The following TTC17 variants were observed in gnomAD, a reference collection of about 807,000 sequenced individuals.
The protein encoded by TTC17 is tetratricopeptide repeat domain 17.
TTC17 carries 58 observed loss-of-function variants against 143.8 expected under a neutral mutation model. The observed-to-expected ratio is 0.40, with a 90% CI of 0.33 to 0.50. The LOEUF is 0.50. TTC17 is among the 20% of genes least tolerant of loss of function. The pLI is 0.49. For missense variants in TTC17, 1,273 were observed against 1,392.5 expected (o/e 0.91, Z 1.37); for synonymous variants, 501 against 497.8 (o/e 1.01, Z -0.09).
At chr11:43,387,793 C>T (rs1857223123) in intron 2 of TTC17, among the ~76,000 whole-genome samples, 1 of 152,092 alleles carries the variant, frequency 6.6e-6, no homozygotes, top group Admixed American at 6.5e-5. Context: ...CTGAGTCCAG[C>T]AAAAACAGTG....
At chr11:43,396,235 CTT>C (rs896447537) in intron 5 of TTC17, 2 of 144,370 alleles carry the variant, frequency 1.4e-5, no homozygotes, top group Non-Finnish European at 3.0e-5. Flanking sequence ...GCCCTTTTTC[CTT>C]TTTTTTTTTC....
intron 23 of TTC17, among the ~76,000 whole-genome samples, chr11:43,493,373 A>G (rs368471044): frequency 7.9e-5 from 12 of 152,246 alleles, no homozygotes; most frequent in African/African-American, 2.9e-4. Flanking sequence ...TTTGTCAGGC[A>G]CGGTTCTGGA....
rs560006003 is a variant in TTC17, at chr11:43,454,764, C to T, written c.3030+3499C>T. ...TTAAAATGCTAAAGACTACAGTTTA[C>T]AATAAATTTGTAATAATAATTAGTA... On this transcript the variant is annotated intron_variant, in intron 21 of 23. Coordinates refer to ENST00000039989, the MANE Select transcript of TTC17 (RefSeq NM_018259.6). Among the ~76,000 whole-genome samples the T allele has an allele frequency of 1.2e-4, 18 of 152,002 alleles. No homozygotes were observed. The East Asian group carries it at 3.3e-3, about 28-fold the overall frequency.
In TTC17 at chr11:43,450,144, A is replaced by G. The variant is rs147416919; in HGVS notation, c.2849A>G (p.Asn950Ser). 129 of 1,614,140 alleles carry G rather than the reference A, an allele frequency of 8.0e-5. 2 individuals are homozygous for G. In the South Asian group the frequency reaches 1.2e-3, roughly 15 times the overall value. ...IQQPAMEPLC[N>S]GNLPTSMHTL... ...CAGCCAGCAATGGAGCCTCTTTGCA[A>G]TGGCAATCTCCCCACGAGTATGCAT... is the stretch of plus-strand genomic sequence containing the variant. The change falls in exon 20 of 24, where the codon AAT becomes AGT. Residue 950 changes from asparagine to serine, a missense_variant. Coordinates refer to ENST00000039989, the MANE Select transcript of TTC17 (RefSeq NM_018259.6).
chr11:43,468,447 T>C (rs1948024019), intron 21 of TTC17: 1 of 152,148 alleles, frequency 6.6e-6, no homozygotes, highest in South Asian at 2.1e-4. Flanking sequence ...GATATGCATA[T>C]AGAAGAAAAA....
chr11:43,449,894 C>A, intron 19 of TTC17, 188 bp from the exon 20 acceptor site: 2 of 631,320 alleles, frequency 3.2e-6, no homozygotes, highest in South Asian at 2.2e-5. Context: ...GTATTTATCA[C>A]CACTTATATC....
At chr11:43,471,596 C>T (rs1948093649) in intron 21 of TTC17, among the ~76,000 whole-genome samples, 1 of 152,200 alleles carries the variant, frequency 6.6e-6, no homozygotes, top group South Asian at 2.1e-4. Context: ...AGTTTGTCTC[C>T]AGCTTTCATC....
intron 21 of TTC17, chr11:43,486,452 G>A: frequency 2.2e-6 from 1 of 452,592 alleles, no homozygotes; most frequent in Non-Finnish European, 4.5e-6. Flanking sequence ...TCCCTATCAG[G>A]TAGGAGGGAC....
chr11:43,421,525 ACT>A (rs1380155625), intron 16 of TTC17, among the ~76,000 whole-genome samples: 2 of 152,106 alleles, frequency 1.3e-5, no homozygotes, highest in South Asian at 4.1e-4. Flanking sequence ...AGTCCCCATC[ACT>A]CGCATTACTG....
At chr11:43,445,994 A>G in intron 18 of TTC17, 1 of 1,532,388 alleles carries the variant, frequency 6.5e-7, no homozygotes, top group Non-Finnish European at 8.7e-7. Context: ...TCAGCAAGGC[A>G]TTTAACAGAG....
chr11:43,412,053 A>G (rs544506733), intron 15 of TTC17, among the ~76,000 whole-genome samples: 4 of 152,364 alleles, frequency 2.6e-5, no homozygotes, highest in African/African-American at 9.6e-5. Flanking sequence ...TGGTTTGCAC[A>G]CAAGCAAATA....
intron 16 of TTC17, among the ~76,000 whole-genome samples, chr11:43,426,405 T>TC (rs1234330290): frequency 6.6e-6 from 1 of 152,222 alleles, no homozygotes; most frequent in African/African-American, 2.4e-5. Flanking sequence ...CTTTTCACTT[T>TC]CCCCTTGATC....
intron 18 of TTC17, chr11:43,445,813 C>T: frequency 1.6e-6 from 1 of 636,960 alleles, no homozygotes; most frequent in East Asian, 2.7e-5. Flanking sequence ...AGTTATAAAG[C>T]AAAGTATTAA....
intron 5 of TTC17, among the ~76,000 whole-genome samples, chr11:43,392,294 A>G (rs1857421332): frequency 1.3e-5 from 2 of 152,350 alleles, no homozygotes; most frequent in South Asian, 2.1e-4. Context: ...TACACAATAC[A>G]TGTATTATTA....
chr11:43,438,985 T>G (rs981960165), intron 16 of TTC17, among the ~76,000 whole-genome samples: 31 of 152,196 alleles, frequency 2.0e-4, no homozygotes, highest in Non-Finnish European at 7.3e-5. Context: ...AGCCTCTCAT[T>G]TCTAGTTTTG....
chr11:43,428,064 GA>G (rs1469066664), intron 16 of TTC17, among the ~76,000 whole-genome samples: 7 of 152,146 alleles, frequency 4.6e-5, no homozygotes, highest in African/African-American at 1.4e-4. Flanking sequence ...AGAGGGGGAA[GA>G]AAAATGGAAT....
chr11:43,445,966 A>G (rs2134738698), intron 18 of TTC17: 1 of 1,498,446 alleles, frequency 6.7e-7, no homozygotes, highest in East Asian at 2.5e-5. Flanking sequence ...AGTGCCATAG[A>G]CATAATGTAA....
At position 43,435,077 on chromosome 11, in the gene TTC17, T is replaced by TGATAGATAGATAGATA. The variant is rs35185017; in HGVS notation, c.2252-8208_2252-8193dup. On this transcript the variant is annotated intron_variant, in intron 16 of 23. Transcript: ENST00000039989. ...GGTGAATCTGTACACACAGATAAGATGATAGATAGATAGATAGATAGATAG... is the reference window on the plus strand; with the variant it reads ...GGTGAATCTGTACACACAGATAAGATGATAGATAGATAGATAGATAGATAGATAGATAGATAGATAG... The TGATAGATAGATAGATA allele has an allele frequency of 2.3e-3, 329 of 144,506 alleles. 1 individual carries two copies. The highest frequency in any genetic ancestry group is 3.5e-3 in the Middle Eastern group (1 of 282). 9.0% of individuals were successfully genotyped at this position (144,506 alleles called of 1,614,324 possible). A position where few individuals can be genotyped will look rare whatever the true frequency, so the allele number is the denominator to read the frequency against.
intron 2 of TTC17, among the ~76,000 whole-genome samples, chr11:43,383,361 A>T (rs1171453045): frequency 1.3e-5 from 2 of 151,716 alleles, no homozygotes; most frequent in Admixed American, 6.6e-5. Flanking sequence ...TTTTTTTATT[A>T]TTTTTTTGAG....
Sources: allele counts gnomAD v4.1 joint callset (sites outside exome capture counted in the v4.1 genomes callset), GRCh38; gene constraint gnomAD v4.1.1; transcripts MANE v1.5; gene names NCBI Gene and HGNC (gene_info 2026-07-23, HGNC 2026-07-21).